MCPH1: variants seen among roughly 807,000 people sequenced by gnomAD.
MCPH1 encodes microcephalin 1.
In MCPH1, 104 loss-of-function variants were observed where a neutral mutation model predicts 84.5. That is an observed-to-expected ratio of 1.23 (90% CI 1.05 to 1.45). The LOEUF (loss-of-function observed/expected upper bound fraction) is 1.45. Among genes scored for constraint, MCPH1 ranks in the 40% most tolerant of loss-of-function variants. The pLI, the probability that MCPH1 is intolerant of heterozygous loss-of-function variation, is 0.00. For synonymous variants in MCPH1, 514 were observed against 366.8 expected, an observed-to-expected ratio of 1.40 and a Z score of -4.58; for missense variants, 1,498 against 1,005.7, an observed-to-expected ratio of 1.49 and a Z score of -6.62.
intron 12 of MCPH1, among the ~76,000 whole-genome samples, chr8:6,608,685 T>C (rs560955322): frequency 6.6e-6 from 1 of 152,332 alleles, no homozygotes; most frequent in South Asian, 2.1e-4. Context: ...CCAAACCTCG[T>C]ATACTTCAAT....
intron 12 of MCPH1, among the ~76,000 whole-genome samples, chr8:6,619,915 T>C (rs1205641798): frequency 1.3e-5 from 2 of 152,230 alleles, no homozygotes; most frequent in African/African-American, 4.8e-5. Flanking sequence ...TTTGAATGTA[T>C]GTGTGTCCTA....
At chr8:6,548,532 C>T (rs531236447) in intron 12 of MCPH1, among the ~76,000 whole-genome samples, 96 of 152,304 alleles carry the variant, frequency 6.3e-4, no homozygotes, top group Middle Eastern at 3.4e-3. Flanking sequence ...TCCCAGCAAG[C>T]ACTCAAGAGG....
intron 12 of MCPH1, among the ~76,000 whole-genome samples, chr8:6,584,973 T>C (rs74556239): frequency 5.3e-5 from 8 of 152,214 alleles, no homozygotes; most frequent in African/African-American, 1.9e-4. Flanking sequence ...ATTGGCAATT[T>C]TGATTAGCAA....
chr8:6,578,838 G>A (rs1040107668), intron 12 of MCPH1, among the ~76,000 whole-genome samples: 8 of 152,242 alleles, frequency 5.3e-5, no homozygotes, highest in African/African-American at 1.4e-4. Flanking sequence ...AGCTGCTCTC[G>A]GCTCCTTTGG....
At chr8:6,419,704 G>T (rs1176957242) in intron 3 of MCPH1, among the ~76,000 whole-genome samples, 1 of 151,874 alleles carries the variant, frequency 6.6e-6, no homozygotes, top group African/African-American at 2.4e-5. Flanking sequence ...ATAGAGATGG[G>T]ATCTTACTAT....
At chr8:6,546,294 T>G (rs551248103) in intron 12 of MCPH1, among the ~76,000 whole-genome samples, 5 of 152,356 alleles carry the variant, frequency 3.3e-5, no homozygotes, top group African/African-American at 1.2e-4. Flanking sequence ...TGTCAGCCAC[T>G]GGAAGAATTC....
chr8:6,524,135 G>A (rs916035490), intron 12 of MCPH1, among the ~76,000 whole-genome samples: 1 of 152,122 alleles, frequency 6.6e-6, no homozygotes, highest in Non-Finnish European at 1.5e-5. Context: ...CCAATATAAA[G>A]TTTAGTACAC....
intron 11 of MCPH1, among the ~76,000 whole-genome samples, chr8:6,496,622 G>A (rs1460341538): frequency 6.6e-6 from 1 of 151,426 alleles, no homozygotes; most frequent in African/African-American, 2.4e-5. Flanking sequence ...TGGGTGGTAA[G>A]CTATGGTGGG....
chr8:6,562,810 C>T lies in MCPH1; in HGVS notation c.2215-58644C>T. ...CATCTCTGGCAGGAGGAAAGTGTAG[C>T]TGCAGGACCCATGCTGGACCTGATA... On this transcript the variant is annotated intron_variant, in intron 12 of 13. Coordinates refer to ENST00000344683, the MANE Select transcript of MCPH1 (RefSeq NM_024596.5). The T allele has an allele frequency of 1.2e-6, 2 of 1,613,548 alleles. No individual in the cohort carries two copies. Among genetic ancestry groups the T allele is most frequent in the Non-Finnish European group, 1.7e-6 (2 of 1,179,860 alleles).
intron 2 of MCPH1, among the ~76,000 whole-genome samples, chr8:6,413,511 C>T (rs1370806867): frequency 6.6e-6 from 1 of 151,584 alleles, no homozygotes; most frequent in African/African-American, 2.4e-5. Context: ...TTCCTGTATT[C>T]TTTAACTTCT....
At chr8:6,501,958 A>G (rs565817663) in intron 12 of MCPH1, 22 of 151,390 alleles carry the variant, frequency 1.5e-4, no homozygotes, top group Admixed American at 2.6e-4. Context: ...GCTGATTGAC[A>G]TAAAAAAACT....
At position 6,416,173 on chromosome 8, in the gene MCPH1, C is replaced by T. The variant is rs73516707; in HGVS notation, c.233+1290C>T. ...AATTTGCTTAACTTGTTTATTAGTT[C>T]TAAATATATTTGTGGGTTCCTTAGC... is the stretch of plus-strand genomic sequence containing the variant. On this transcript the variant is annotated intron_variant, in intron 3 of 13. Coordinates refer to ENST00000344683, the MANE Select transcript of MCPH1 (RefSeq NM_024596.5). Among the ~76,000 whole-genome samples the T allele has an allele frequency of 5.1e-4, 78 of 152,196 alleles. 4 individuals carry two copies. The South Asian group carries it at 0.015, about 30-fold the overall frequency.
intron 12 of MCPH1, among the ~76,000 whole-genome samples, chr8:6,596,768 C>A (rs908371936): frequency 6.6e-6 from 1 of 152,146 alleles, no homozygotes; most frequent in African/African-American, 2.4e-5. Context: ...CAGATCAACG[C>A]GAGAATAAAT....
intron 12 of MCPH1, chr8:6,532,264 C>G (rs956090963): frequency 6.3e-7 from 1 of 1,583,898 alleles, no homozygotes; most frequent in Non-Finnish European, 8.6e-7. Context: ...ATTGAGGAAG[C>G]TCCTGACGCG....
intron 12 of MCPH1, among the ~76,000 whole-genome samples, chr8:6,614,333 G>C (rs958421393): frequency 6.6e-6 from 1 of 152,188 alleles, no homozygotes; most frequent in African/African-American, 2.4e-5. Context: ...CCCATGCGTG[G>C]TGAGGGGCCT....
At chr8:6,577,610 G>C (rs1234849046) in intron 12 of MCPH1, among the ~76,000 whole-genome samples, 1 of 152,216 alleles carries the variant, frequency 6.6e-6, no homozygotes, top group Admixed American at 6.5e-5. Context: ...TGAATATCTT[G>C]CATGAAGCTA....
intron 12 of MCPH1, among the ~76,000 whole-genome samples, chr8:6,578,816 G>C (rs1049285452): frequency 1.3e-5 from 2 of 152,172 alleles, no homozygotes; most frequent in African/African-American, 2.4e-5. Context: ...ACTCGCACGT[G>C]GTTCTCCACA....
intron 12 of MCPH1, among the ~76,000 whole-genome samples, chr8:6,555,109 A>AT (rs1026540245): frequency 9.2e-5 from 14 of 152,024 alleles, no homozygotes; most frequent in Non-Finnish European, 1.6e-4. Context: ...ACTACCCATG[A>AT]TTTTTTTTAC....
intron 12 of MCPH1, among the ~76,000 whole-genome samples, chr8:6,598,098 AGGATGCTCCT>A (rs1384607713): frequency 6.6e-6 from 1 of 152,188 alleles, no homozygotes; most frequent in Non-Finnish European, 1.5e-5. Context: ...CAACAGGGTG[AGGATGCTCCT>A]GGACACAGAA....
Sources: allele counts gnomAD v4.1 joint callset (sites outside exome capture counted in the v4.1 genomes callset), GRCh38; gene constraint gnomAD v4.1.1; transcripts MANE v1.5; gene names NCBI Gene and HGNC (gene_info 2026-07-23, HGNC 2026-07-21).